The following CPED1 variants were observed in gnomAD, a reference collection of about 807,000 sequenced individuals.
CPED1 encodes the protein cadherin-like and PC-esterase domain-containing protein 1.
In CPED1, 114 loss-of-function variants were observed where a neutral mutation model predicts 128.2. The ratio of observed to expected loss-of-function variants is 0.89; its 90% CI spans 0.76 to 1.04. The LOEUF (loss-of-function observed/expected upper bound fraction) is 1.04. Ranked by LOEUF, CPED1 falls within the 50% of genes least tolerant of loss-of-function variation. The probability of loss-of-function intolerance (pLI) is 0.00; values close to 1 mark genes in which losing one functional copy is unlikely to be tolerated. For synonymous variants in CPED1, 462 were observed against 426.7 expected (o/e 1.08, Z -1.02); for missense variants, 1,211 against 1,207.1 (o/e 1.00, Z -0.05).
At chr7:121,253,414 TAACA>T (rs1798733199) in intron 18 of CPED1, among the ~76,000 whole-genome samples, 1 of 151,822 alleles carries the variant, frequency 6.6e-6, no homozygotes, top group Non-Finnish European at 1.5e-5. Context: ...TATACATATG[TAACA>T]AACCTGCATG....
In CPED1 at chr7:121,271,300, T is replaced by G. The variant is rs890619198; in HGVS notation, c.2738T>G (p.Leu913Ter). 6.2e-7 allele frequency: 1 copy of G among 1,611,450 alleles called. No individual in the cohort carries two copies. Among genetic ancestry groups the G allele is most frequent in the African/African-American group, 1.3e-5 (1 of 74,786 alleles). The change falls in exon 22 of 23, where the codon TTA (leucine) becomes TGA (stop). Residue 913 changes from leucine (L) to a stop codon, truncating the protein, a stop_gained. Coordinates refer to ENST00000310396, the MANE Select transcript of CPED1 (RefSeq NM_024913.5). LOFTEE classifies it high-confidence loss of function. ...TCCAATCAGAGTGAAGTACAGAACT[T>G]ATGGAAAGAAAATTTGATTATTCTG... is the stretch of plus-strand genomic sequence containing the variant. The part of the protein sequence containing the change: ...HFLTQSEVQN[L>*]WKENLIILDT...
chr7:121,059,976 G>A (rs1415865968), intron 4 of CPED1, among the ~76,000 whole-genome samples: 1 of 152,166 alleles, frequency 6.6e-6, no homozygotes, highest in Non-Finnish European at 1.5e-5. Context: ...TGGAGGGAGA[G>A]GCGCGAGCGG....
intron 16 of CPED1, among the ~76,000 whole-genome samples, chr7:121,195,834 G>A (rs188935063): frequency 6.6e-6 from 1 of 152,230 alleles, no homozygotes; most frequent in African/African-American, 2.4e-5. Flanking sequence ...AGCTTGGTTG[G>A]TGTTTGGTGT....
chr7:121,040,652 A>G (rs1793026518), intron 3 of CPED1, among the ~76,000 whole-genome samples: 1 of 152,054 alleles, frequency 6.6e-6, no homozygotes. Context: ...GGATTTTATA[A>G]TTTAGTTGTG....
intron 16 of CPED1, among the ~76,000 whole-genome samples, chr7:121,200,959 G>C (rs915745588): frequency 2.7e-5 from 4 of 147,566 alleles, no homozygotes; most frequent in Admixed American, 6.9e-5. Flanking sequence ...AAAAGAGAGA[G>C]CAGTGAAGAG....
At chr7:121,268,410 G>A (rs1442101956) in intron 21 of CPED1, among the ~76,000 whole-genome samples, 3 of 152,050 alleles carry the variant, frequency 2.0e-5, no homozygotes, top group South Asian at 4.1e-4. Context: ...TAAACATTAT[G>A]ACTGCCACCT....
At chr7:121,125,754 A>G (rs1269727455) in intron 8 of CPED1, 66 bp from the exon 9 acceptor site, 1 of 1,172,380 alleles carries the variant, frequency 8.5e-7, no homozygotes, top group African/African-American at 1.5e-5. Context: ...TGTTATAAAT[A>G]GTGCATTAAT....
intron 5 of CPED1, among the ~76,000 whole-genome samples, chr7:121,074,695 G>A (rs1422231010): frequency 6.6e-6 from 1 of 151,658 alleles, no homozygotes; most frequent in Non-Finnish European, 1.5e-5. Context: ...AAATTATTAA[G>A]CCATCCTTTG....
At chr7:121,288,905 C>G (rs1167082089) in intron 22 of CPED1, among the ~76,000 whole-genome samples, 2 of 152,156 alleles carry the variant, frequency 1.3e-5, no homozygotes, top group Non-Finnish European at 2.9e-5. Context: ...TAAATGTTTT[C>G]TTAAATAAAC....
intron 14 of CPED1, among the ~76,000 whole-genome samples, chr7:121,138,861 A>G (rs1342456655): frequency 2.0e-5 from 3 of 152,032 alleles, no homozygotes; most frequent in South Asian, 2.1e-4. Flanking sequence ...GTTTAATGTT[A>G]TATTGGGTTT....
chr7:121,057,267 C>T (rs749002632), intron 4 of CPED1, among the ~76,000 whole-genome samples: 53 of 152,128 alleles, frequency 3.5e-4, no homozygotes, highest in Non-Finnish European at 4.6e-4. Context: ...TGTGAACCAC[C>T]GTGCCCAGCC....
intron 7 of CPED1, among the ~76,000 whole-genome samples, chr7:121,112,407 C>T (rs1193780845): frequency 1.3e-5 from 2 of 152,066 alleles, no homozygotes; most frequent in African/African-American, 4.8e-5. Flanking sequence ...GGAGAAGATA[C>T]ATCTTCACAT....
chr7:121,046,552 C>A (rs941212042), intron 3 of CPED1, among the ~76,000 whole-genome samples: 2 of 151,778 alleles, frequency 1.3e-5, no homozygotes, highest in East Asian at 3.9e-4. Flanking sequence ...CAAAAAAAGA[C>A]TTTATTAATT....
chr7:121,290,248 A>C (rs1792668221), intron 22 of CPED1, among the ~76,000 whole-genome samples: 1 of 152,158 alleles, frequency 6.6e-6, no homozygotes, highest in Non-Finnish European at 1.5e-5. Context: ...TGCTATTGTG[A>C]ATAGTGGTGC....
intron 3 of CPED1, among the ~76,000 whole-genome samples, chr7:121,044,998 T>C (rs1793156806): frequency 6.6e-6 from 1 of 152,186 alleles, no homozygotes; most frequent in South Asian, 2.1e-4. Flanking sequence ...TTTCCTGGGC[T>C]AGAAATGATA....
intron 19 of CPED1, 126 bp from the exon 20 acceptor site, chr7:121,266,581 C>A: frequency 8.5e-7 from 1 of 1,169,836 alleles, no homozygotes; most frequent in Non-Finnish European, 1.3e-6. Context: ...CAGCAGAAAA[C>A]AAGTTGGAAA....
At chr7:121,167,264 A>G (rs1054001250) in intron 16 of CPED1, among the ~76,000 whole-genome samples, 1 of 152,220 alleles carries the variant, frequency 6.6e-6, no homozygotes, top group African/African-American at 2.4e-5. Flanking sequence ...AAGAAGGATT[A>G]ACTCAGAGGT....
At chr7:121,280,375 T>C (rs1792437428) in intron 22 of CPED1, among the ~76,000 whole-genome samples, 1 of 152,116 alleles carries the variant, frequency 6.6e-6, no homozygotes, top group Non-Finnish European at 1.5e-5. Context: ...GGTCTGGAGC[T>C]CCTTACAATC....
chr7:121,245,086 C>T (rs1798494568), intron 18 of CPED1, among the ~76,000 whole-genome samples: 1 of 152,162 alleles, frequency 6.6e-6, no homozygotes, highest in Non-Finnish European at 1.5e-5. Context: ...TAAGCTCTCA[C>T]ACATGAGCAA....
Sources: allele counts gnomAD v4.1 joint callset (sites outside exome capture counted in the v4.1 genomes callset), GRCh38; gene constraint gnomAD v4.1.1; transcripts MANE v1.5; gene names NCBI Gene and HGNC (gene_info 2026-07-23, HGNC 2026-07-21).